Variants in MTHFD2 observed in about 807,000 individuals in gnomAD.
MTHFD2 encodes methylenetetrahydrofolate dehydrogenase (NADP+ dependent) 2, methenyltetrahydrofolate cyclohydrolase, also known as bifunctional methylenetetrahydrofolate dehydrogenase/cyclohydrolase, mitochondrial.
A neutral mutation model predicts 36.8 loss-of-function variants in MTHFD2; 26 were observed. That is an observed-to-expected ratio of 0.71 (90% confidence interval 0.52 to 0.98). The LOEUF is 0.98. Among genes scored for constraint, MTHFD2 ranks in the 50% least tolerant of loss-of-function variants. MTHFD2 has a pLI of 0.00. For synonymous variants in MTHFD2, 164 were observed against 155.2 expected (o/e 1.06, Z -0.42); for missense variants, 373 against 434.0 (o/e 0.86, Z 1.25).
Position 74,216,412 on chromosome 2 carries a change from C to T in MTHFD2, c.*2170C>T, listed in dbSNP as rs1392521600. On this transcript the variant is annotated 3_prime_UTR_variant, in exon 8 of 8. Coordinates refer to ENST00000394053, the MANE Select transcript of MTHFD2 (RefSeq NM_006636.4). Reference sequence around the variant, plus strand: ...AGGTAAAATTACAGTGATCAATTTACAACAAAGAAATTAACAGTAGTTTTC... The same window carrying T: ...AGGTAAAATTACAGTGATCAATTTATAACAAAGAAATTAACAGTAGTTTTC... 1 of 152,118 alleles carries T rather than the reference C, an allele frequency of 6.6e-6. No homozygotes were observed. Among genetic ancestry groups the T allele is most frequent in the Admixed American group, 6.6e-5 (1 of 15,262 alleles). The allele number at this position is 152,118 out of a possible 1,614,324, so 9.4% of individuals were successfully genotyped here.
chr2:74,204,492 TTC>T (rs1558853252), intron 1 of MTHFD2, among the ~76,000 whole-genome samples: 4 of 152,196 alleles, frequency 2.6e-5, no homozygotes, highest in African/African-American at 9.7e-5. Flanking sequence ...TGCCTATTCT[TTC>T]TGTCTTTGTT....
At chr2:74,199,333 G>T (rs1002255614) in intron 1 of MTHFD2, among the ~76,000 whole-genome samples, 1 of 152,178 alleles carries the variant, frequency 6.6e-6, no homozygotes, top group African/African-American at 2.4e-5. Context: ...GGGCACCCTA[G>T]CTTTGGCTGC....
intron 5 of MTHFD2, among the ~76,000 whole-genome samples, chr2:74,210,802 T>TTC (rs57479849): frequency 1.3e-5 from 2 of 151,636 alleles, no homozygotes; most frequent in Non-Finnish European, 2.9e-5. Context: ...TTTTTTTTTT[T>TTC]CCTGGAGATG....
intron 5 of MTHFD2, 107 bp downstream of exon 5, chr2:74,210,156 T>C: frequency 1.2e-6 from 1 of 856,370 alleles, no homozygotes; most frequent in Non-Finnish European, 1.7e-6. Context: ...TACTTTGTAT[T>C]TGTTGAAATT....
Position 74,216,927 on chromosome 2 carries a change from T to C in MTHFD2, c.*2685T>C, listed in dbSNP as rs924623634. On this transcript the variant is annotated 3_prime_UTR_variant, in exon 8 of 8. Coordinates refer to ENST00000394053, the MANE Select transcript of MTHFD2 (RefSeq NM_006636.4). ...TCTGACAAGAATTTATACTTAAGCA[T>C]AGGAGATGGTTCTGGAAATTCTAAG... 1.3e-5 allele frequency: 2 copies of C among 152,168 alleles called. No homozygotes were observed. Among genetic ancestry groups the C allele is most frequent in the African/African-American group, 4.8e-5 (2 of 41,446 alleles). The allele number at this position is 152,168 out of a possible 1,614,324, so 9.4% of individuals were successfully genotyped here. A position where few individuals can be genotyped will look rare whatever the true frequency, so the allele number is the denominator to read the frequency against.
intron 1 of MTHFD2, among the ~76,000 whole-genome samples, chr2:74,203,855 AG>A (rs57681903): frequency 1.8e-5 from 1 of 54,424 alleles, no homozygotes; most frequent in African/African-American, 1.5e-4. Context: ...AGTTTAGTTT[AG>A]TTTAGTTTAG....
At chr2:74,203,906 G>GT (rs369717981) in intron 1 of MTHFD2, among the ~76,000 whole-genome samples, 5,796 of 28,220 alleles carry the variant, frequency 0.21, 247 homozygotes, top group African/African-American at 0.41. Context: ...GTTTAGTTTA[G>GT]TTAGTTTAGT....
chr2:74,211,913 C>A, intron 7 of MTHFD2, 47 bp downstream of exon 7: 1 of 1,387,360 alleles, frequency 7.2e-7, no homozygotes, highest in Non-Finnish European at 1.0e-6. Context: ...ATAAATACTA[C>A]CTTTCATGGA....
At chr2:74,203,453 C>G (rs1024093664) in intron 1 of MTHFD2, among the ~76,000 whole-genome samples, 1 of 152,048 alleles carries the variant, frequency 6.6e-6, no homozygotes, top group Admixed American at 6.6e-5. Context: ...TATTGAAGGC[C>G]TAAAGATTGT....
intron 1 of MTHFD2, among the ~76,000 whole-genome samples, chr2:74,200,419 A>C (rs1338102853): frequency 6.6e-6 from 1 of 152,240 alleles, no homozygotes; most frequent in Non-Finnish European, 1.5e-5. Context: ...TCTGTACTGC[A>C]CATTTGCTAT....
At chr2:74,208,278 G>A (rs879846297) in intron 3 of MTHFD2, among the ~76,000 whole-genome samples, 19 of 152,338 alleles carry the variant, frequency 1.2e-4, no homozygotes, top group Admixed American at 9.2e-4. Flanking sequence ...ACTCAAAAGA[G>A]TGAATATTTT....
chr2:74,208,865 G>T, intron 4 of MTHFD2, 144 bp downstream of exon 4: 4 of 779,236 alleles, frequency 5.1e-6, no homozygotes, highest in South Asian at 4.5e-5. Context: ...TCTCTTAACA[G>T]TTTTTTTTTT....
rs1270595336 is a variant in MTHFD2, at chr2:74,205,798, C to T, written c.195C>T (p.Asn65=). ...QEVEEWVASG[N]KRPHLSVILV... Reference sequence around the variant, plus strand: ...TAGAAGAGTGGGTGGCCTCAGGCAACAAACGGCCACACCTGAGTGTGATCC... The same window carrying T: ...TAGAAGAGTGGGTGGCCTCAGGCAATAAACGGCCACACCTGAGTGTGATCC... The change falls in exon 2 of 8, where the codon AAC becomes AAT. Residue 65 remains asparagine, a synonymous_variant. Coordinates refer to ENST00000394053, the MANE Select transcript of MTHFD2 (RefSeq NM_006636.4). 4 of 1,613,662 alleles carry T rather than the reference C, an allele frequency of 2.5e-6. No individual in the cohort carries two copies. Among genetic ancestry groups the T allele is most frequent in the Middle Eastern group, 1.6e-4 (1 of 6,084 alleles).
At position 74,198,622 on chromosome 2, in the gene MTHFD2, C is replaced by T. The variant is rs539183572; in HGVS notation, c.-20C>T. On this transcript the variant is annotated 5_prime_UTR_variant, in exon 1 of 8. Transcript: ENST00000394053. ...GCCCGCGCGCGCGCTTCCCTCCCGG[C>T]GCAGTCACCGGCGCGGTCTATGGCT... 4.4e-6 allele frequency: 7 copies of T among 1,585,538 alleles called. No homozygotes were observed. Among genetic ancestry groups the T allele is most frequent in the Non-Finnish European group, 6.0e-6 (7 of 1,165,802 alleles).
intron 1 of MTHFD2, among the ~76,000 whole-genome samples, chr2:74,200,371 G>C (rs1279925974): frequency 6.6e-6 from 1 of 152,204 alleles, no homozygotes; most frequent in Non-Finnish European, 1.5e-5. Context: ...GAAAGAACAA[G>C]TAAGCTTCAT....
At chr2:74,208,906 C>T (rs1456926567) in intron 4 of MTHFD2, among the ~76,000 whole-genome samples, 185 bp downstream of exon 4, 1 of 151,984 alleles carries the variant, frequency 6.6e-6, no homozygotes, top group Admixed American at 6.6e-5. Flanking sequence ...CAGGGTCTTG[C>T]TCTGTCACCC....
chr2:74,205,410 C>T (rs566532943), intron 1 of MTHFD2, among the ~76,000 whole-genome samples: 6 of 152,146 alleles, frequency 3.9e-5, no homozygotes, highest in African/African-American at 7.2e-5. Flanking sequence ...CTTGACCAAG[C>T]GCTGTCAGTC....
At chr2:74,207,851 T>C in intron 3 of MTHFD2, 25 bp downstream of exon 3, 1 of 1,567,210 alleles carries the variant, frequency 6.4e-7, no homozygotes, top group Non-Finnish European at 8.7e-7. Context: ...CCATTTAACA[T>C]GATTGCTGCT....
chr2:74,199,437 G>C (rs1693990783), intron 1 of MTHFD2, among the ~76,000 whole-genome samples: 1 of 152,262 alleles, frequency 6.6e-6, no homozygotes, highest in Non-Finnish European at 1.5e-5. Context: ...GGAATGGAGA[G>C]TGACAAGTAC....
Sources: gnomAD v4.1 joint callset for allele counts (sites outside exome capture counted in the v4.1 genomes callset) on GRCh38, gnomAD v4.1.1 for gene constraint, MANE v1.5 for transcripts, NCBI Gene and HGNC (gene_info 2026-07-23, HGNC 2026-07-21) for gene names.